The following ACTR5 variants were observed in gnomAD, a reference collection of about 807,000 sequenced individuals.
ACTR5 encodes the protein actin related protein 5.
In ACTR5, 43 loss-of-function variants were observed where a neutral mutation model predicts 61.2. The ratio of observed to expected loss-of-function variants is 0.70; its 90% CI spans 0.55 to 0.91. ACTR5 has a LOEUF of 0.91. Ranked by LOEUF, ACTR5 falls within the 40% of genes least tolerant of loss-of-function variation. The pLI is 0.00. For synonymous variants in ACTR5, 333 were observed against 310.5 expected (o/e 1.07, Z -0.76); for missense variants, 798 against 782.2 (o/e 1.02, Z -0.24).
At chr20:38,764,148 A>AT (rs2084471579) in intron 5 of ACTR5, among the ~76,000 whole-genome samples, 1 of 152,148 alleles carries the variant, frequency 6.6e-6, no homozygotes, top group African/African-American at 2.4e-5. Flanking sequence ...AGAGAAGTAT[A>AT]TTTAAGTCCT....
intron 3 of ACTR5, among the ~76,000 whole-genome samples, chr20:38,753,030 TATTAAAC>T (rs2084396126): frequency 6.6e-6 from 1 of 152,208 alleles, no homozygotes; most frequent in Non-Finnish European, 1.5e-5. Context: ...AGAAAGCATT[TATTAAAC>T]ATCTGTTATT....
chr20:38,759,923 T>G (rs539639833), intron 5 of ACTR5, among the ~76,000 whole-genome samples: 1 of 152,146 alleles, frequency 6.6e-6, no homozygotes, highest in Non-Finnish European at 1.5e-5. Context: ...ATCCCAACAC[T>G]GAGAGGCTGA....
chr20:38,768,048 C>A (rs2084498556), intron 8 of ACTR5, among the ~76,000 whole-genome samples: 2 of 152,134 alleles, frequency 1.3e-5, no homozygotes, highest in Non-Finnish European at 2.9e-5. Context: ...TCAGCAGAGC[C>A]CACACTGCAG....
chr20:38,748,962 T>A, intron 1 of ACTR5, 109 bp downstream of exon 1: 1 of 1,363,104 alleles, frequency 7.3e-7, no homozygotes, highest in Non-Finnish European at 9.8e-7. Flanking sequence ...TAGCTCCGAT[T>A]GTCTTTTAGT....
At chr20:38,754,124 T>C (rs573375920) in intron 3 of ACTR5, among the ~76,000 whole-genome samples, 4 of 152,326 alleles carry the variant, frequency 2.6e-5, no homozygotes, top group African/African-American at 9.6e-5. Flanking sequence ...CAGACAGTGT[T>C]GTGATTTTTA....
At chr20:38,758,805 A>G (rs2084435965) in intron 5 of ACTR5, among the ~76,000 whole-genome samples, 1 of 152,242 alleles carries the variant, frequency 6.6e-6, no homozygotes, top group Non-Finnish European at 1.5e-5. Context: ...TTCAAAAAGT[A>G]TTTGTAGAGT....
intron 5 of ACTR5, among the ~76,000 whole-genome samples, chr20:38,759,391 G>A (rs185579231): frequency 3.2e-4 from 49 of 152,306 alleles, no homozygotes; most frequent in Admixed American, 8.5e-4. Context: ...GAAGCCAGCC[G>A]TGGCAGAGAA....
chr20:38,766,511 A>G, intron 7 of ACTR5, 134 bp downstream of exon 7: 1 of 1,187,670 alleles, frequency 8.4e-7, no homozygotes, highest in Non-Finnish European at 1.2e-6. Context: ...TGCTGTGCTC[A>G]GATAGTATTC....
chr20:38,771,632 A>T lies in ACTR5; in HGVS notation c.1640A>T (p.Asp547Val), dbSNP rs2084520586. 3 of 1,614,072 alleles carry T rather than the reference A, an allele frequency of 1.9e-6. No homozygotes were observed. Among genetic ancestry groups the T allele is most frequent in the South Asian group, 2.2e-5 (2 of 91,080 alleles). Residue 547 changes from aspartate (D) to valine (V), a missense_variant, in exon 9 of 9, where the codon GAT becomes GTT. Physicochemically the swap from Asp to Val is radical, Grantham distance 152. Coordinates refer to ENST00000243903, the MANE Select transcript of ACTR5 (RefSeq NM_024855.4). ...ARDWALNHLD[D>V]NEVWITRKEY... ...GACTGGGCCTTGAACCACCTAGATG[A>T]TAATGAAGTTTGGATCACCAGGAAA...
intron 2 of ACTR5, among the ~76,000 whole-genome samples, chr20:38,751,028 C>T (rs2084384286): frequency 6.6e-6 from 1 of 152,150 alleles, no homozygotes; most frequent in Admixed American, 6.5e-5. Flanking sequence ...GAATAAAAGG[C>T]AAGGGTAGTT....
chr20:38,761,392 G>A (rs957487801), intron 5 of ACTR5: 1 of 152,260 alleles, frequency 6.6e-6, no homozygotes, highest in African/African-American at 2.4e-5. Flanking sequence ...AAGCCAGGAC[G>A]AAGATTGAGC....
intron 3 of ACTR5, among the ~76,000 whole-genome samples, chr20:38,754,676 A>G (rs183776368): frequency 1.4e-4 from 22 of 152,096 alleles, no homozygotes; most frequent in South Asian, 6.3e-4. Context: ...CCGAGATCGC[A>G]CCACTGCACT....
In ACTR5 at chr20:38,765,496, A is replaced by G. The variant is rs1363488376; in HGVS notation, c.1271A>G (p.Glu424Gly). 2 of 1,614,114 alleles carry G rather than the reference A, an allele frequency of 1.2e-6. No homozygotes were observed. The highest frequency in any genetic ancestry group is 2.2e-5 in the South Asian group (2 of 91,082). The part of the protein sequence containing the change: ...PLFSEETPGV[E>G]KPVTTVQPVF... ...TTTTCAGAGGAAACACCTGGAGTGG[A>G]GAAGCCGGTCACCACTGTTCAGGTT... Residue 424 changes from glutamate to glycine, a missense_variant, in exon 6 of 9, where the codon GAG (glutamate) becomes GGG (glycine). Glu to Gly is a moderately conservative substitution (Grantham distance 98). Coordinates refer to ENST00000243903, the MANE Select transcript of ACTR5 (RefSeq NM_024855.4).
In ACTR5 at chr20:38,765,531, C is replaced by T; in HGVS notation, c.1293+13C>T. ...CACCACTGTTCAGGTTTGACTTCTA[C>T]AGCCCAGAACATGCTTATTCTTTGA... On this transcript the variant is annotated intron_variant, in intron 6 of 8. Coordinates refer to ENST00000243903, the MANE Select transcript of ACTR5 (RefSeq NM_024855.4). 1.3e-6 allele frequency: 2 copies of T among 1,593,328 alleles called. No individual in the cohort carries two copies. Among genetic ancestry groups the T allele is most frequent in the Non-Finnish European group, 1.7e-6 (2 of 1,161,072 alleles).
chr20:38,755,530 G>A (rs906370833), intron 4 of ACTR5, among the ~76,000 whole-genome samples: 1 of 151,950 alleles, frequency 6.6e-6, no homozygotes, highest in Non-Finnish European at 1.5e-5. Flanking sequence ...AGCATTGTCA[G>A]CGTTCCAGAA....
At chr20:38,757,261 G>T (rs1199951288) in intron 5 of ACTR5, among the ~76,000 whole-genome samples, 3 of 152,090 alleles carry the variant, frequency 2.0e-5, no homozygotes, top group African/African-American at 7.2e-5. Context: ...AAGAGCTTAG[G>T]CCCCAGCATC....
chr20:38,757,697 T>C (rs1272908743), intron 5 of ACTR5, among the ~76,000 whole-genome samples: 1 of 151,674 alleles, frequency 6.6e-6, no homozygotes, highest in Non-Finnish European at 1.5e-5. Flanking sequence ...GGTTCTGCTC[T>C]CACCGTTGCA....
intron 1 of ACTR5, among the ~76,000 whole-genome samples, chr20:38,749,380 T>A (rs755272939): frequency 6.6e-6 from 1 of 152,218 alleles, no homozygotes; most frequent in Non-Finnish European, 1.5e-5. Context: ...GGAAAAACGG[T>A]CCAGGCAGAG....
chr20:38,752,321 C>G (rs370765725), intron 3 of ACTR5, 21 bp downstream of exon 3: 9 of 1,575,762 alleles, frequency 5.7e-6, no homozygotes, highest in Non-Finnish European at 6.1e-6. Context: ...GGATGTTTGC[C>G]TGCAGCTTTT....
Sources: allele counts gnomAD v4.1 joint callset (sites outside exome capture counted in the v4.1 genomes callset), GRCh38; gene constraint gnomAD v4.1.1; transcripts MANE v1.5; gene names NCBI Gene and HGNC (gene_info 2026-07-23, HGNC 2026-07-21).